Variants in USH2A observed in about 807,000 individuals in gnomAD.
The protein encoded by USH2A is usherin.
Under a neutral mutation model 538.9 loss-of-function variants are expected in USH2A, and 443 were observed. The observed-to-expected ratio is 0.82, with a 90% CI of 0.76 to 0.89. USH2A has a LOEUF of 0.89. Among genes scored for constraint, USH2A ranks in the 40% least tolerant of loss-of-function variants. The pLI, the probability that USH2A is intolerant of heterozygous loss-of-function variation, is 0.00. For missense variants in USH2A, 6,633 were observed against 6,324.8 expected (o/e 1.05, Z -1.65); for synonymous variants, 2,413 against 2,273.5 (o/e 1.06, Z -1.75).
intron 21 of USH2A, among the ~76,000 whole-genome samples, chr1:216,147,954 C>T (rs1307316490): frequency 1.3e-5 from 1 of 75,830 alleles, no homozygotes; most frequent in Non-Finnish European, 2.6e-5. Context: ...TCCCAGAGCC[C>T]CTGGAACTCT....
chr1:216,157,506 G>A (rs565154749), intron 21 of USH2A, among the ~76,000 whole-genome samples: 15 of 152,152 alleles, frequency 9.9e-5, no homozygotes, highest in South Asian at 2.1e-4. Flanking sequence ...CCAAAAAGAC[G>A]CATGCACTCA....
intron 64 of USH2A, among the ~76,000 whole-genome samples, chr1:215,662,583 T>C (rs1384775968): frequency 1.3e-5 from 2 of 152,214 alleles, no homozygotes; most frequent in Admixed American, 6.5e-5. Context: ...AAAGGCTCGA[T>C]GCAAAAAATG....
intron 58 of USH2A, among the ~76,000 whole-genome samples, chr1:215,754,995 A>G (rs1364671540): frequency 6.6e-6 from 1 of 152,064 alleles, no homozygotes; most frequent in Non-Finnish European, 1.5e-5. Context: ...ATTTTCCACA[A>G]TTAACTCTTC....
intron 22 of USH2A, among the ~76,000 whole-genome samples, chr1:216,090,431 TAAA>T (rs748252419): frequency 5.3e-5 from 5 of 94,468 alleles, no homozygotes; most frequent in Admixed American, 9.8e-5. Context: ...GTTACCAAAG[TAAA>T]AAAAAAAAAA....
At chr1:216,008,840 C>T (rs1049981219) in intron 32 of USH2A, among the ~76,000 whole-genome samples, 4 of 152,120 alleles carry the variant, frequency 2.6e-5, no homozygotes, top group Non-Finnish European at 4.4e-5. Flanking sequence ...AGACATGTTT[C>T]ATCCGTGGAC....
chr1:216,265,075 G>A (rs918439608), intron 11 of USH2A, among the ~76,000 whole-genome samples: 3 of 151,990 alleles, frequency 2.0e-5, no homozygotes, highest in Non-Finnish European at 2.9e-5. Flanking sequence ...GTGGAGAGAC[G>A]ACCTACAGAA....
intron 14 of USH2A, among the ~76,000 whole-genome samples, chr1:216,220,395 C>T (rs1257921529): frequency 6.8e-6 from 1 of 147,854 alleles, no homozygotes; most frequent in Non-Finnish European, 1.5e-5. Context: ...CTCACAATCT[C>T]GTATGCAAGA....
At chr1:215,906,381 G>T (rs754067157) in intron 38 of USH2A, among the ~76,000 whole-genome samples, 6 of 151,986 alleles carry the variant, frequency 3.9e-5, no homozygotes, top group Non-Finnish European at 7.4e-5. Flanking sequence ...ATAAGGTGAG[G>T]CTCAGAGAGA....
At chr1:216,245,455 G>A (rs2036018141) in intron 13 of USH2A, among the ~76,000 whole-genome samples, 1 of 148,536 alleles carries the variant, frequency 6.7e-6, no homozygotes, top group Non-Finnish European at 1.5e-5. Flanking sequence ...GAAAGAGAGA[G>A]GTAAAGTCCC....
intron 32 of USH2A, among the ~76,000 whole-genome samples, chr1:216,038,762 T>C (rs1385543747): frequency 2.0e-5 from 3 of 152,012 alleles, no homozygotes; most frequent in African/African-American, 7.2e-5. Context: ...AAAACGTACA[T>C]AAAAAATCAT....
chr1:215,866,692 T>C (rs1157946578), intron 44 of USH2A, among the ~76,000 whole-genome samples: 2 of 152,202 alleles, frequency 1.3e-5, no homozygotes, highest in Non-Finnish European at 2.9e-5. Flanking sequence ...ACGTTGTTCA[T>C]GCAAAGGAAA....
intron 62 of USH2A, among the ~76,000 whole-genome samples, chr1:215,678,757 G>A (rs150896314): frequency 1.3e-5 from 2 of 152,142 alleles, no homozygotes; most frequent in African/African-American, 4.8e-5. Context: ...CACACGGTCT[G>A]TAACATCAGG....
chr1:215,742,389 G>A (rs1273402842), intron 59 of USH2A, among the ~76,000 whole-genome samples: 1 of 151,426 alleles, frequency 6.6e-6, no homozygotes, highest in East Asian at 1.9e-4. Flanking sequence ...TAGCAAATGA[G>A]TATTATACGT....
intron 60 of USH2A, among the ~76,000 whole-genome samples, chr1:215,735,107 C>T (rs991244370): frequency 1.9e-4 from 29 of 152,166 alleles, no homozygotes; most frequent in Admixed American, 3.3e-4. Flanking sequence ...GCAATTTTTC[C>T]GACATTTGGA....
At position 216,096,976 on chromosome 1, in the gene USH2A, C is replaced by T. The variant is rs574462893; in HGVS notation, c.4758+107G>A. 31 of 1,198,090 alleles carry T rather than the reference C, an allele frequency of 2.6e-5. No homozygotes were observed. The Admixed American group carries it at 4.4e-4, about 17-fold the overall frequency. The allele number at this position is 1,198,090 out of a possible 1,614,324, so 74.2% of individuals were successfully genotyped here. ...AAATGGGGATAATAATAGTACTTAC[C>T]TTACAAGGTTTGAATGAAGATTCAG... On this transcript the variant is annotated intron_variant, in intron 22 of 71. Transcript: ENST00000307340.
At chr1:216,168,613 A>G (rs1373791556) in intron 21 of USH2A, among the ~76,000 whole-genome samples, 1 of 152,218 alleles carries the variant, frequency 6.6e-6, no homozygotes, top group East Asian at 1.9e-4. Flanking sequence ...CTGCCTTTGT[A>G]TGACTAACAA....
At chr1:216,366,340 A>G (rs1188187400) in intron 3 of USH2A, among the ~76,000 whole-genome samples, 6 of 147,840 alleles carry the variant, frequency 4.1e-5, no homozygotes, top group African/African-American at 1.0e-4. Flanking sequence ...AGGTCCGGCA[A>G]TTGTAACAAA....
intron 65 of USH2A, among the ~76,000 whole-genome samples, chr1:215,649,460 T>C (rs1163864611): frequency 1.3e-5 from 2 of 152,254 alleles, no homozygotes; most frequent in Non-Finnish European, 2.9e-5. Context: ...AAAGAACATA[T>C]GATTAAGAAG....
At chr1:215,762,611 G>A (rs756683467) in intron 56 of USH2A, among the ~76,000 whole-genome samples, 17 of 152,140 alleles carry the variant, frequency 1.1e-4, no homozygotes, top group Non-Finnish European at 1.9e-4. Context: ...TGGGGACATC[G>A]TTATCTTGGC....
Sources: gnomAD v4.1 joint callset for allele counts (sites outside exome capture counted in the v4.1 genomes callset) on GRCh38, gnomAD v4.1.1 for gene constraint, MANE v1.5 for transcripts, NCBI Gene and HGNC (gene_info 2026-07-23, HGNC 2026-07-21) for gene names.